Variants in MS4A7 observed in about 807,000 individuals in gnomAD.
The protein encoded by MS4A7 is membrane spanning 4-domains A7, also known as membrane-spanning 4-domains subfamily A member 7.
In MS4A7, 21 loss-of-function variants were observed where a neutral mutation model predicts 23.5. The observed-to-expected ratio is 0.89, with a 90% CI of 0.63 to 1.29. The LOEUF (loss-of-function observed/expected upper bound fraction) is 1.29, where lower values mean the gene tolerates loss of function less well. MS4A7 is among the 50% of genes most tolerant of loss of function. The pLI is 0.00. For missense variants in MS4A7, 263 were observed against 274.2 expected (o/e 0.96, Z 0.29); for synonymous variants, 111 against 107.4 (o/e 1.03, Z -0.21).
chr11:60,391,922 A>C (rs7104599), intron 5 of MS4A7, among the ~76,000 whole-genome samples: 34 of 88,298 alleles, frequency 3.9e-4, no homozygotes, highest in South Asian at 1.1e-3. Context: ...CTGTCTAAAA[A>C]AAAAAAAAAA....
At chr11:60,390,829 C>T (rs947755451) in intron 5 of MS4A7, among the ~76,000 whole-genome samples, 1 of 151,982 alleles carries the variant, frequency 6.6e-6, no homozygotes, top group Non-Finnish European at 1.5e-5. Context: ...ATTAACACAG[C>T]AATTACCTGA....
chr11:60,386,850 C>T, intron 4 of MS4A7, 77 bp downstream of exon 4: 1 of 1,230,104 alleles, frequency 8.1e-7, no homozygotes. Context: ...GTTTAAAAAT[C>T]CCTATTTTAC....
At chr11:60,389,112 T>A (rs1369911821) in intron 4 of MS4A7, 3 of 381,890 alleles carry the variant, frequency 7.9e-6, no homozygotes, top group Middle Eastern at 7.4e-4. Flanking sequence ...ACTGTCTCTA[T>A]CTTGAGTGCT....
At chr11:60,388,793 T>C (rs1267755051) in intron 4 of MS4A7, among the ~76,000 whole-genome samples, 1 of 152,222 alleles carries the variant, frequency 6.6e-6, no homozygotes, top group Non-Finnish European at 1.5e-5. Flanking sequence ...CTCTGCCTCA[T>C]GCCCTGTCAC....
intron 1 of MS4A7, 111 bp from the exon 2 acceptor site, chr11:60,383,018 C>A: frequency 1.6e-6 from 2 of 1,213,818 alleles, no homozygotes; most frequent in Non-Finnish European, 2.3e-6. Flanking sequence ...GACAACCAGC[C>A]TTGGAATAAT....
chr11:60,386,825 G>C (rs767784824), intron 4 of MS4A7, 52 bp downstream of exon 4: 1 of 1,385,214 alleles, frequency 7.2e-7, no homozygotes, highest in Non-Finnish European at 1.0e-6. Flanking sequence ...AGGAACGTCA[G>C]AGTTAATTCT....
chr11:60,389,748 T>C, intron 5 of MS4A7, 152 bp downstream of exon 5: 1 of 682,208 alleles, frequency 1.5e-6, no homozygotes, highest in Non-Finnish European at 2.6e-6. Context: ...AAGAGGCCTG[T>C]CTGCTGACTG....
Position 60,394,133 on chromosome 11 carries a change from A to C in MS4A7, c.*272A>C. Reference sequence around the variant, plus strand: ...GGGTAAACTGAGCAGAAGGTGATACACAGAAGGGAAAATGTGCACTCATGC... The same window carrying C: ...GGGTAAACTGAGCAGAAGGTGATACCCAGAAGGGAAAATGTGCACTCATGC... On this transcript the variant is annotated 3_prime_UTR_variant, in exon 7 of 7. Transcript: ENST00000300184. 3.8e-6 allele frequency: 1 copy of C among 265,708 alleles called. No individual in the cohort carries two copies. The highest frequency in any genetic ancestry group is 7.0e-6 in the Non-Finnish European group (1 of 143,040). The allele number at this position is 265,708 out of a possible 1,614,324, so 16.5% of individuals were successfully genotyped here. A position where few individuals can be genotyped will look rare whatever the true frequency, so the allele number is the denominator to read the frequency against.
Position 60,392,765 on chromosome 11 carries a change from G to A in MS4A7, c.627G>A (p.Gln209=), listed in dbSNP as rs775157643. The change falls in exon 6 of 7, where the codon CAG becomes CAA. Residue 209 remains glutamine, a synonymous_variant. Coordinates refer to ENST00000300184, the MANE Select transcript of MS4A7 (RefSeq NM_021201.5). ...ACAGTTCTGTCTTTTGGTGGAAACA[G>A]CTCTACTCCAACAACCCTGGGGTGA... ...AAYSSVFWWK[Q]LYSNNPGSSF... 5.0e-6 allele frequency: 8 copies of A among 1,613,538 alleles called. No homozygotes were observed. Among genetic ancestry groups the A allele is most frequent in the Admixed American group, 1.7e-5 (1 of 60,002 alleles).
chr11:60,392,636 C>T, intron 5 of MS4A7, 49 bp from the exon 6 acceptor site: 1 of 1,469,378 alleles, frequency 6.8e-7, no homozygotes, highest in Non-Finnish European at 9.5e-7. Context: ...TAGCCAGGCA[C>T]AAGGGCTAGC....
At chr11:60,387,376 G>C (rs985904942) in intron 4 of MS4A7, among the ~76,000 whole-genome samples, 2 of 152,174 alleles carry the variant, frequency 1.3e-5, no homozygotes, top group African/African-American at 2.4e-5. Context: ...GTTGAAAGAA[G>C]TCCATGATAT....
At chr11:60,379,544 T>G (rs1193385167) in intron 1 of MS4A7, among the ~76,000 whole-genome samples, 1 of 82,686 alleles carries the variant, frequency 1.2e-5, no homozygotes, top group Admixed American at 1.4e-4. Context: ...GTTTGTTTGT[T>G]TGTTTTTTAA....
At chr11:60,383,689 G>A (rs1223745247) in intron 2 of MS4A7, 4 of 152,922 alleles carry the variant, frequency 2.6e-5, no homozygotes, top group African/African-American at 4.8e-5. Context: ...ATGGGTGCAC[G>A]CCACCACGCC....
intron 5 of MS4A7, among the ~76,000 whole-genome samples, chr11:60,390,302 G>A (rs956584426): frequency 2.0e-5 from 3 of 152,162 alleles, no homozygotes; most frequent in Non-Finnish European, 2.9e-5. Flanking sequence ...CTACCTGTTC[G>A]TGGTGACAAG....
intron 2 of MS4A7, 27 bp from the exon 3 acceptor site, chr11:60,385,061 C>G (rs1193235872): frequency 1.2e-6 from 2 of 1,607,492 alleles, no homozygotes; most frequent in Non-Finnish European, 1.7e-6. Flanking sequence ...GAAGTGCAGT[C>G]TAGATTTCCT....
chr11:60,383,179 G>C lies in MS4A7; in HGVS notation c.38G>C (p.Ser13Thr). 6.2e-7 allele frequency: 1 copy of C among 1,614,098 alleles called. No individual in the cohort carries two copies. Among genetic ancestry groups the C allele is most frequent in the Non-Finnish European group, 8.5e-7 (1 of 1,180,000 alleles). ...LQSQTMGVSHSFTPKGITIPQ... is the reference protein window; with the variant it reads ...LQSQTMGVSHTFTPKGITIPQ... ...TCCCAAACCATGGGGGTTTCTCACAGCTTTACACCAAAGGGCATCACTATC... is the reference window on the plus strand; with the variant it reads ...TCCCAAACCATGGGGGTTTCTCACACCTTTACACCAAAGGGCATCACTATC... The change falls in exon 2 of 7, where the codon AGC (serine) becomes ACC (threonine). Residue 13 changes from serine (S) to threonine (T), a missense_variant. By Grantham distance (58) the Ser-to-Thr change is moderately conservative. Transcript: ENST00000300184.
chr11:60,391,383 TC>T (rs1256976514), intron 5 of MS4A7, among the ~76,000 whole-genome samples: 1 of 152,184 alleles, frequency 6.6e-6, no homozygotes, highest in Non-Finnish European at 1.5e-5. Flanking sequence ...TAAGGAGATG[TC>T]CGTAAACCCA....
In MS4A7 at chr11:60,395,095, C is replaced by G; in HGVS notation, c.*1234C>G. The G allele has an allele frequency of 4.5e-6, 2 of 442,002 alleles. No homozygotes were observed. Among genetic ancestry groups the G allele is most frequent in the South Asian group, 5.6e-5 (1 of 17,770 alleles). 27.4% of individuals were successfully genotyped at this position (442,002 alleles called of 1,614,324 possible). A position where few individuals can be genotyped will look rare whatever the true frequency, so the allele number is the denominator to read the frequency against. On this transcript the variant is annotated 3_prime_UTR_variant, in exon 7 of 7. Coordinates refer to ENST00000300184, the MANE Select transcript of MS4A7 (RefSeq NM_021201.5). ...GTTTGGGTATTAGCTCTATTTTGAT[C>G]TATAGCACAGTTTTGTAATTCAGAT...
Position 60,395,019 on chromosome 11 carries a change from A to G in MS4A7, c.*1158A>G. The G allele has an allele frequency of 3.3e-6, 2 of 614,544 alleles. No individual in the cohort carries two copies. The highest frequency in any genetic ancestry group is 5.9e-6 in the Non-Finnish European group (2 of 339,084). The allele number at this position is 614,544 out of a possible 1,614,324, so 38.1% of individuals were successfully genotyped here. A position where few individuals can be genotyped will look rare whatever the true frequency, so the allele number is the denominator to read the frequency against. The stretch of plus-strand genomic sequence containing the variant: ...TCTGACTGGCATGTTTTCTGCTTCT[A>G]GCTTGGAGCTAAATGCTGCTCATGC... On this transcript the variant is annotated 3_prime_UTR_variant, in exon 7 of 7. Coordinates refer to ENST00000300184, the MANE Select transcript of MS4A7 (RefSeq NM_021201.5).
Sources: allele counts gnomAD v4.1 joint callset (sites outside exome capture counted in the v4.1 genomes callset), GRCh38; gene constraint gnomAD v4.1.1; transcripts MANE v1.5; gene names NCBI Gene and HGNC (gene_info 2026-07-23, HGNC 2026-07-21).